The following GBF1 variants were observed in gnomAD, a reference collection of about 807,000 sequenced individuals.
The protein encoded by GBF1 is Golgi-specific brefeldin A-resistance guanine nucleotide exchange factor 1.
In GBF1, 114 loss-of-function variants were observed where a neutral mutation model predicts 210.5. That is an observed-to-expected ratio of 0.54 (90% CI 0.47 to 0.63). GBF1 has a LOEUF of 0.63. Among genes scored for constraint, GBF1 ranks in the 30% least tolerant of loss-of-function variants. The pLI, the probability that GBF1 is intolerant of heterozygous loss-of-function variation, is 0.00. For missense variants in GBF1, 1,851 were observed against 2,357.7 expected (o/e 0.79, Z 4.45); for synonymous variants, 850 against 889.2 (o/e 0.96, Z 0.78).
chr10:102,308,414 A>G (rs1439387951), intron 3 of GBF1, among the ~76,000 whole-genome samples: 1 of 152,142 alleles, frequency 6.6e-6, no homozygotes, highest in Non-Finnish European at 1.5e-5. Context: ...TGCTATAAAG[A>G]CACACGCACA....
At position 102,365,472 on chromosome 10, in the gene GBF1, C is replaced by T; in HGVS notation, c.2182C>T (p.Leu728Phe). 6.2e-7 allele frequency: 1 copy of T among 1,614,012 alleles called. No homozygotes were observed. Among genetic ancestry groups the T allele is most frequent in the Non-Finnish European group, 8.5e-7 (1 of 1,179,852 alleles). ...GIQFLQEKGL[L>F]TIPMDNTEVA... ...TCAGTTTCTGCAAGAGAAAGGCCTC[C>T]TCACCATCCCAATGGACAACACAGA... Residue 728 changes from leucine (L) to phenylalanine (F), a missense_variant, in exon 18 of 40, where the codon CTC becomes TTC. Coordinates refer to ENST00000369983, the MANE Select transcript of GBF1 (RefSeq NM_001377137.1).
chr10:102,365,486 G>A lies in GBF1; in HGVS notation c.2196G>A (p.Met732Ile), dbSNP rs746107272. The A allele has an allele frequency of 6.2e-7, 1 of 1,613,940 alleles. No homozygotes were observed. Among genetic ancestry groups the A allele is most frequent in the East Asian group, 2.2e-5 (1 of 44,902 alleles). ...LQEKGLLTIP[M>I]DNTEVAQWLR... The stretch of plus-strand genomic sequence containing the variant: ...AGAAAGGCCTCCTCACCATCCCAAT[G>A]GACAACACAGAGGTTGCTCAGTGGC... Residue 732 changes from methionine (M) to isoleucine (I), a missense_variant, in exon 18 of 40, where the codon ATG (methionine) becomes ATA (isoleucine). By Grantham distance (10) the Met-to-Ile change is conservative. Coordinates refer to ENST00000369983, the MANE Select transcript of GBF1 (RefSeq NM_001377137.1).
chr10:102,353,525 T>G (rs1207019187), intron 7 of GBF1, 75 bp from the exon 8 acceptor site: 6 of 975,662 alleles, frequency 6.1e-6, no homozygotes, highest in Admixed American at 1.7e-5. Context: ...CAGAGCACCT[T>G]TGGTTTGTGG....
rs117685148 is a variant in GBF1 at position 102,343,547 on chromosome 10, G to C, written c.164-504G>C. Among the ~76,000 whole-genome samples, 243 of 152,276 alleles carry C rather than the reference G, an allele frequency of 1.6e-3. 4 individuals are homozygous for C. In the East Asian group the frequency reaches 0.04, roughly 25 times the overall value. On this transcript the variant is annotated intron_variant, in intron 3 of 39. Transcript: ENST00000369983. ...AGCATAATATTGTGGGCCAGGCACG[G>C]TGGCTCGCGCCTGTAATCCTAGCTC...
intron 33 of GBF1, 45 bp from the exon 34 acceptor site, chr10:102,379,239 C>T (rs61873660): frequency 0.062 from 97,368 of 1,582,346 alleles, 3,482 homozygotes; most frequent in African/African-American, 0.12. Flanking sequence ...AAGGGATCCA[C>T]GAGACCTAAC....
Position 102,376,579 on chromosome 10 carries a change from A to G in GBF1, c.4067A>G (p.Asp1356Gly), listed in dbSNP as rs1184457126. The G allele has an allele frequency of 6.2e-7, 1 of 1,614,046 alleles. No individual in the cohort carries two copies. Among genetic ancestry groups the G allele is most frequent in the South Asian group, 1.1e-5 (1 of 91,074 alleles). ...GWLVVGKDDV[D>G]NSKPGPSRPG... ...TTACAGGTTGGGAAGGATGACGTTG[A>G]TAACTCCAAGCCAGGGCCCAGCCGC... Residue 1356 changes from aspartate (D) to glycine (G), a missense_variant, in exon 32 of 40, where the codon GAT becomes GGT. Coordinates refer to ENST00000369983, the MANE Select transcript of GBF1 (RefSeq NM_001377137.1).
intron 3 of GBF1, among the ~76,000 whole-genome samples, chr10:102,267,298 A>T (rs1313879468): frequency 1.3e-5 from 2 of 152,240 alleles, no homozygotes; most frequent in African/African-American, 4.8e-5. Context: ...TGAGGTCAGC[A>T]GTTCGAGACC....
intron 3 of GBF1, among the ~76,000 whole-genome samples, chr10:102,270,523 T>G (rs1316565172): frequency 6.6e-6 from 1 of 152,236 alleles, no homozygotes; most frequent in East Asian, 1.9e-4. Flanking sequence ...TTACCCATAT[T>G]TCACATTTAG....
intron 3 of GBF1, among the ~76,000 whole-genome samples, chr10:102,270,218 G>A (rs1422986412): frequency 6.7e-6 from 1 of 149,862 alleles, no homozygotes; most frequent in African/African-American, 2.5e-5. Context: ...CACCCAGGCT[G>A]GAGTGTAGTG....
Position 102,366,937 on chromosome 10 carries a change from G to C in GBF1, c.2434-148G>C, listed in dbSNP as rs2059947138. On this transcript the variant is annotated intron_variant, in intron 19 of 39. Coordinates refer to ENST00000369983, the MANE Select transcript of GBF1 (RefSeq NM_001377137.1). This position sits in a 1 kb window ranked among gnomAD's most constrained non-coding sequence, Gnocchi z 4.0. ...AAAATTAGTGACCTTTCCACAAAGAGATCAGCTTCTGTTAAGGAGTTGGCA... is the reference window on the plus strand; with the variant it reads ...AAAATTAGTGACCTTTCCACAAAGACATCAGCTTCTGTTAAGGAGTTGGCA... 3.7e-6 allele frequency: 3 copies of C among 813,986 alleles called. No individual in the cohort carries two copies. The South Asian group carries it at 5.2e-5, about 14-fold the overall frequency. 50.4% of individuals were successfully genotyped at this position (813,986 alleles called of 1,614,324 possible).
At chr10:102,272,044 C>T (rs1018377341) in intron 3 of GBF1, among the ~76,000 whole-genome samples, 7 of 152,026 alleles carry the variant, frequency 4.6e-5, no homozygotes, top group South Asian at 2.1e-4. Context: ...TGAGCTATTG[C>T]GCCCAGCCTT....
chr10:102,278,511 C>T (rs2075200645), intron 3 of GBF1, among the ~76,000 whole-genome samples: 1 of 151,990 alleles, frequency 6.6e-6, no homozygotes, highest in Admixed American at 6.6e-5. Flanking sequence ...AAAAATTGAT[C>T]CATAATAATT....
At chr10:102,263,716 AT>A (rs914425201) in intron 3 of GBF1, among the ~76,000 whole-genome samples, 1 of 152,196 alleles carries the variant, frequency 6.6e-6, no homozygotes, top group African/African-American at 2.4e-5. Context: ...ATTGGACCAC[AT>A]TTACAGTCAG....
chr10:102,265,294 T>C (rs1245301326), intron 3 of GBF1, among the ~76,000 whole-genome samples: 3 of 152,208 alleles, frequency 2.0e-5, no homozygotes, highest in Non-Finnish European at 2.9e-5. Context: ...ATATAGTCTG[T>C]CTTTGTCCTT....
chr10:102,338,535 C>T (rs184217610), intron 3 of GBF1, among the ~76,000 whole-genome samples: 2 of 151,998 alleles, frequency 1.3e-5, no homozygotes, highest in Admixed American at 1.3e-4. Context: ...TGAGCCACTG[C>T]GCCCAGCCGA....
chr10:102,264,767 G>A (rs572531112), intron 3 of GBF1, among the ~76,000 whole-genome samples: 2 of 152,318 alleles, frequency 1.3e-5, no homozygotes, highest in African/African-American at 4.8e-5. Flanking sequence ...GCAGAGAGAG[G>A]CAATGTAAAT....
intron 3 of GBF1, among the ~76,000 whole-genome samples, chr10:102,290,451 T>C (rs1035607350): frequency 3.9e-5 from 6 of 152,122 alleles, no homozygotes; most frequent in Admixed American, 3.9e-4. Context: ...AGTAGAACCT[T>C]ATCTCTGTGT....
intron 3 of GBF1, among the ~76,000 whole-genome samples, chr10:102,328,341 T>A (rs188216201): frequency 2.1e-4 from 32 of 151,830 alleles, no homozygotes; most frequent in South Asian, 4.2e-4. Flanking sequence ...AAAGAAAAAA[T>A]TTTTTTTAAT....
chr10:102,280,445 G>A (rs1463279172), intron 3 of GBF1, among the ~76,000 whole-genome samples: 1 of 152,166 alleles, frequency 6.6e-6, no homozygotes, highest in Non-Finnish European at 1.5e-5. Context: ...ACCCTGTAAT[G>A]TGACTTGATA....
Sources: allele counts gnomAD v4.1 joint callset (sites outside exome capture counted in the v4.1 genomes callset), GRCh38; gene constraint gnomAD v4.1.1; non-coding constraint Gnocchi (gnomAD v3.1); transcripts MANE v1.5; gene names NCBI Gene and HGNC (gene_info 2026-07-23, HGNC 2026-07-21).